Variants in C8orf74 observed in about 807,000 individuals in gnomAD.
C8orf74 encodes the protein uncharacterized protein C8orf74.
Under a neutral mutation model 22.2 loss-of-function variants are expected in C8orf74, and 29 were observed. That is an observed-to-expected ratio of 1.31 (90% CI 0.97 to 1.78). The LOEUF is 1.78. Ranked by LOEUF, C8orf74 falls within the 40% of genes most tolerant of loss-of-function variation. The probability of loss-of-function intolerance (pLI) is 0.00; values close to 1 mark genes in which losing one functional copy is unlikely to be tolerated. For synonymous variants in C8orf74, 255 were observed against 163.1 expected, an observed-to-expected ratio of 1.56 and a Z score of -4.30; for missense variants, 515 against 369.9, an observed-to-expected ratio of 1.39 and a Z score of -3.22.
At chr8:10,677,114 G>C (rs1245644787) in intron 2 of C8orf74, among the ~76,000 whole-genome samples, 1 of 152,118 alleles carries the variant, frequency 6.6e-6, no homozygotes, top group Non-Finnish European at 1.5e-5. Flanking sequence ...GGAGCCCCTG[G>C]ATGCCAACTA....
chr8:10,684,795 G>A (rs1799226208), intron 2 of C8orf74, among the ~76,000 whole-genome samples: 1 of 152,218 alleles, frequency 6.6e-6, no homozygotes, highest in African/African-American at 2.4e-5. Context: ...TTCACTGAAA[G>A]GAAGCACTTG....
chr8:10,696,889 G>T (rs1384373615), intron 2 of C8orf74, among the ~76,000 whole-genome samples: 1 of 151,466 alleles, frequency 6.6e-6, no homozygotes, highest in Non-Finnish European at 1.5e-5. Context: ...GCCAGGTGTG[G>T]TGGTTCACTC....
At chr8:10,681,842 G>A (rs35793804) in intron 2 of C8orf74, among the ~76,000 whole-genome samples, 7,277 of 152,292 alleles carry the variant, frequency 0.048, 195 homozygotes, top group South Asian at 0.085. Context: ...CCGGGTGAGT[G>A]CCTGGTGAAG....
chr8:10,684,231 T>A (rs1799214725), intron 2 of C8orf74, among the ~76,000 whole-genome samples: 1 of 152,220 alleles, frequency 6.6e-6, no homozygotes, highest in Admixed American at 6.5e-5. Flanking sequence ...TTGCCAATCA[T>A]CACACAATAG....
At chr8:10,685,713 G>A (rs564216123) in intron 2 of C8orf74, among the ~76,000 whole-genome samples, 1 of 152,296 alleles carries the variant, frequency 6.6e-6, no homozygotes, top group East Asian at 1.9e-4. Flanking sequence ...TCTGGAGATG[G>A]ATGGCAGTGA....
intron 2 of C8orf74, among the ~76,000 whole-genome samples, chr8:10,681,629 T>C (rs1799150373): frequency 1.3e-5 from 2 of 152,214 alleles, no homozygotes; most frequent in African/African-American, 4.8e-5. Context: ...ACCTGGCACC[T>C]GCAGGACCTC....
chr8:10,697,346 G>A (rs1799541550), intron 2 of C8orf74, among the ~76,000 whole-genome samples: 1 of 152,124 alleles, frequency 6.6e-6, no homozygotes, highest in South Asian at 2.1e-4. Flanking sequence ...GAGGCAGGGG[G>A]ATTTCTTGAG....
At chr8:10,695,839 G>C (rs776241225) in intron 2 of C8orf74, among the ~76,000 whole-genome samples, 8 of 152,172 alleles carry the variant, frequency 5.3e-5, no homozygotes, top group Admixed American at 5.2e-4. Flanking sequence ...GAAAAGCCCG[G>C]CTCCTTGCCT....
intron 2 of C8orf74, chr8:10,686,999 C>T (rs186644763): frequency 3.0e-4 from 127 of 422,418 alleles, no homozygotes; most frequent in Non-Finnish European, 4.4e-4. Context: ...ACCAGGCAAC[C>T]GCCAAGAAGG....
At chr8:10,693,203 T>C (rs1319210382) in intron 2 of C8orf74, among the ~76,000 whole-genome samples, 16 of 152,200 alleles carry the variant, frequency 1.1e-4, no homozygotes, top group Admixed American at 1.0e-3. Flanking sequence ...CAGTGGGCCA[T>C]GCCTGCTTCA....
intron 2 of C8orf74, among the ~76,000 whole-genome samples, chr8:10,681,771 C>A (rs547662796): frequency 6.6e-6 from 1 of 152,200 alleles, no homozygotes; most frequent in Non-Finnish European, 1.5e-5. Flanking sequence ...TGGCCAGGCC[C>A]GCCAATCCCA....
At chr8:10,688,918 G>A (rs1444791065) in intron 2 of C8orf74, 1 of 152,224 alleles carries the variant, frequency 6.6e-6, no homozygotes, top group Non-Finnish European at 1.5e-5. Context: ...AAGCAAAGGT[G>A]GCAAGCTCTC....
At chr8:10,682,541 C>A (rs1036980076) in intron 2 of C8orf74, among the ~76,000 whole-genome samples, 1 of 152,178 alleles carries the variant, frequency 6.6e-6, no homozygotes, top group African/African-American at 2.4e-5. Flanking sequence ...TGTTCCCTGG[C>A]GTCTCTGTGT....
At chr8:10,699,174 G>C (rs1799598446) in intron 3 of C8orf74, among the ~76,000 whole-genome samples, 1 of 152,190 alleles carries the variant, frequency 6.6e-6, no homozygotes, top group African/African-American at 2.4e-5. Flanking sequence ...CTACTGCCCT[G>C]CACTTCCCAC....
chr8:10,690,424 C>T (rs1330740100), intron 2 of C8orf74, among the ~76,000 whole-genome samples: 4 of 152,040 alleles, frequency 2.6e-5, no homozygotes, highest in African/African-American at 7.2e-5. Flanking sequence ...ATGCGGCGTG[C>T]GGGGGATGAA....
intron 2 of C8orf74, among the ~76,000 whole-genome samples, chr8:10,696,283 G>T (rs778518414): frequency 7.9e-5 from 12 of 152,042 alleles, no homozygotes; most frequent in Non-Finnish European, 1.5e-4. Flanking sequence ...CCCACAAGGA[G>T]CACTGCCCTT....
At chr8:10,696,414 T>C (rs931651803) in intron 2 of C8orf74, among the ~76,000 whole-genome samples, 1 of 147,752 alleles carries the variant, frequency 6.8e-6, no homozygotes, top group Non-Finnish European at 1.5e-5. Context: ...CTCCACTCTT[T>C]TTTTTTCTTT....
intron 2 of C8orf74, among the ~76,000 whole-genome samples, chr8:10,677,248 C>G (rs763257954): frequency 1.3e-5 from 2 of 152,184 alleles, no homozygotes; most frequent in Admixed American, 6.5e-5. Flanking sequence ...CCTACAGCTG[C>G]CTTCCGCCCC....
At position 10,681,797 on chromosome 8, in the gene C8orf74, G is replaced by A. The variant is rs184722237; in HGVS notation, c.241+6959G>A. Among the ~76,000 whole-genome samples, 42 of 152,282 alleles carry A rather than the reference G, an allele frequency of 2.8e-4. 1 individual carries two copies. The highest frequency in any genetic ancestry group is 7.7e-4 in the East Asian group (4 of 5,178). ...GCCAATCCCAGGCCTGGCAGGAGGC[G>A]GGACTTGTGACCGGTCAGTGGAGGC... On this transcript the variant is annotated intron_variant, in intron 2 of 3. Coordinates refer to ENST00000304519, the MANE Select transcript of C8orf74 (RefSeq NM_001040032.2).
Sources: gnomAD v4.1 joint callset for allele counts (sites outside exome capture counted in the v4.1 genomes callset) on GRCh38, gnomAD v4.1.1 for gene constraint, MANE v1.5 for transcripts, NCBI Gene and HGNC (gene_info 2026-07-23, HGNC 2026-07-21) for gene names.